The following PATJ variants were observed in gnomAD, a reference collection of about 807,000 sequenced individuals.
PATJ encodes the protein PATJ crumbs cell polarity complex component.
PATJ carries 190 observed loss-of-function variants against 224.9 expected under a neutral mutation model. The ratio of observed to expected loss-of-function variants is 0.84; its 90% CI spans 0.75 to 0.95. PATJ has a LOEUF of 0.95. PATJ is among the 40% of genes least tolerant of loss of function. The probability of loss-of-function intolerance (pLI) is 0.00; values close to 1 mark genes in which losing one functional copy is unlikely to be tolerated. For synonymous variants in PATJ, 769 were observed against 820.3 expected, an observed-to-expected ratio of 0.94 and a Z score of 1.07; for missense variants, 2,121 against 2,270.3, an observed-to-expected ratio of 0.93 and a Z score of 1.34.
Position 61,987,406 on chromosome 1 carries a change from T to TAA in PATJ, c.3671-2755_3671-2754dup, listed in dbSNP as rs141945212. Among the ~76,000 whole-genome samples the TAA allele has an allele frequency of 5.9e-5, 9 of 151,550 alleles. 1 individual carries two copies. Among genetic ancestry groups the TAA allele is most frequent in the Non-Finnish European group, 8.8e-5 (6 of 67,906 alleles). On this transcript the variant is annotated intron_variant, in intron 27 of 43. Transcript: ENST00000642238. ...TTAAAGTTATCAACATCTTTTTTTT[T>TAA]AAAAAAAAGATGCCTTATTACTTTC...
At chr1:61,977,065 C>T (rs939937581) in intron 27 of PATJ, among the ~76,000 whole-genome samples, 4 of 151,874 alleles carry the variant, frequency 2.6e-5, no homozygotes, top group Admixed American at 6.6e-5. Flanking sequence ...AAACAAGGTC[C>T]TCACATGATA....
chr1:62,027,256 C>T (rs530055209), intron 29 of PATJ, among the ~76,000 whole-genome samples: 3 of 152,304 alleles, frequency 2.0e-5, no homozygotes, highest in African/African-American at 7.2e-5. Context: ...TTTCACTTAG[C>T]ATGTATTTTC....
At chr1:61,945,645 C>T (rs1461615816) in intron 27 of PATJ, among the ~76,000 whole-genome samples, 1 of 152,066 alleles carries the variant, frequency 6.6e-6, no homozygotes, top group Middle Eastern at 3.4e-3. Flanking sequence ...CTTTAACACC[C>T]CACTGTCAAC....
intron 22 of PATJ, among the ~76,000 whole-genome samples, chr1:61,889,561 A>C (rs1669304681): frequency 6.6e-6 from 1 of 152,246 alleles, no homozygotes; most frequent in Non-Finnish European, 1.5e-5. Flanking sequence ...TTTATAAATT[A>C]CGTACAGTAA....
chr1:61,844,003 A>T (rs1661527143), intron 17 of PATJ, among the ~76,000 whole-genome samples: 1 of 152,194 alleles, frequency 6.6e-6, no homozygotes, highest in South Asian at 2.1e-4. Flanking sequence ...CTAGCAGTGA[A>T]CAAATTAGAT....
At chr1:61,979,461 C>T (rs534043245) in intron 27 of PATJ, among the ~76,000 whole-genome samples, 66 of 151,914 alleles carry the variant, frequency 4.3e-4, no homozygotes, top group East Asian at 1.5e-3. Context: ...GAGACCATCC[C>T]GGCCAACATG....
chr1:61,815,591 G>A (rs1257613103), intron 14 of PATJ, among the ~76,000 whole-genome samples: 2 of 152,256 alleles, frequency 1.3e-5, no homozygotes, highest in South Asian at 2.1e-4. Flanking sequence ...GGTGGTTTAT[G>A]CATATAATCC....
intron 27 of PATJ, among the ~76,000 whole-genome samples, chr1:61,951,133 G>A (rs1679599376): frequency 6.7e-6 from 1 of 150,198 alleles, no homozygotes; most frequent in South Asian, 2.1e-4. Context: ...CAACAGAGCT[G>A]TCTAAAAAGC....
intron 30 of PATJ, among the ~76,000 whole-genome samples, chr1:62,041,315 T>C (rs1651433671): frequency 6.6e-6 from 1 of 152,228 alleles, no homozygotes; most frequent in African/African-American, 2.4e-5. Flanking sequence ...TTTTCCTGCA[T>C]CTGCTTCTTC....
chr1:62,106,374 A>G (rs1189446315), intron 33 of PATJ, among the ~76,000 whole-genome samples: 1 of 150,006 alleles, frequency 6.7e-6, no homozygotes, highest in Non-Finnish European at 1.5e-5. Context: ...GGGAGGCTGA[A>G]GCAGGAGGAT....
At chr1:62,097,375 A>C (rs995141680) in intron 33 of PATJ, among the ~76,000 whole-genome samples, 42 of 152,228 alleles carry the variant, frequency 2.8e-4, no homozygotes, top group African/African-American at 9.9e-4. Context: ...CCTTGAATCC[A>C]ATCTGACCAA....
intron 20 of PATJ, among the ~76,000 whole-genome samples, chr1:61,872,609 C>G (rs1666793170): frequency 6.6e-6 from 1 of 152,180 alleles, no homozygotes; most frequent in Admixed American, 6.5e-5. Context: ...TATCGAAACT[C>G]ATTGTGCAGC....
rs187049504 is a variant in PATJ, at chr1:61,757,890, G to A, written c.-35-4968G>A. ...TGATGTTGAACTCCTGGGCTCAAGT[G>A]ATCCTCCCACCTCAGCCTCCTGAGT... On this transcript the variant is annotated intron_variant, in intron 1 of 43. Coordinates refer to ENST00000642238, the MANE Select transcript of PATJ (RefSeq NM_001350145.3). Among the ~76,000 whole-genome samples, 434 of 152,126 alleles carry A rather than the reference G, an allele frequency of 2.9e-3. No individual in the cohort carries two copies. In the Middle Eastern group the frequency reaches 0.034, roughly 12 times the overall value.
At chr1:61,952,399 G>A in intron 27 of PATJ, 1 of 717,340 alleles carries the variant, frequency 1.4e-6, no homozygotes, top group Non-Finnish European at 2.6e-6. Flanking sequence ...AATGGTCCAA[G>A]GGGGTTTCCC....
intron 31 of PATJ, among the ~76,000 whole-genome samples, chr1:62,073,802 C>T (rs1048430842): frequency 2.4e-4 from 36 of 152,198 alleles, no homozygotes; most frequent in Admixed American, 3.3e-4. Context: ...CCAGCCTAAG[C>T]GATATACTGA....
intron 33 of PATJ, among the ~76,000 whole-genome samples, chr1:62,090,798 GT>G: frequency 6.6e-6 from 1 of 152,188 alleles, no homozygotes; most frequent in Non-Finnish European, 1.5e-5. Context: ...CTTTTCTGAT[GT>G]TTGCATCGTA....
At chr1:62,131,173 C>G (rs1666220482) in intron 41 of PATJ, among the ~76,000 whole-genome samples, 1 of 152,234 alleles carries the variant, frequency 6.6e-6, no homozygotes, top group South Asian at 2.1e-4. Flanking sequence ...TGCTTCCCCT[C>G]AACTCCTGGT....
At chr1:61,927,949 TA>T (rs368859575) in intron 27 of PATJ, 120 bp downstream of exon 27, 1 of 700,246 alleles carries the variant, frequency 1.4e-6, no homozygotes, top group South Asian at 2.2e-5. Context: ...GAATGTATGC[TA>T]AAAAATCAAA....
chr1:61,794,581 T>A (rs111744109), intron 9 of PATJ, among the ~76,000 whole-genome samples: 2,006 of 152,278 alleles, frequency 0.013, 42 homozygotes, highest in African/African-American at 0.045. Context: ...AATTTAAAAA[T>A]TTTTTATAGC....
Sources: gnomAD v4.1 joint callset for allele counts (sites outside exome capture counted in the v4.1 genomes callset) on GRCh38, gnomAD v4.1.1 for gene constraint, MANE v1.5 for transcripts, NCBI Gene and HGNC (gene_info 2026-07-23, HGNC 2026-07-21) for gene names.